ARMC2: variants seen among roughly 807,000 people sequenced by gnomAD.
The protein encoded by ARMC2 is armadillo repeat containing 2, also known as armadillo repeat-containing protein 2.
ARMC2 carries 67 observed loss-of-function variants against 90.3 expected under a neutral mutation model. The observed-to-expected ratio is 0.74, with a 90% confidence interval of 0.61 to 0.91. The LOEUF (loss-of-function observed/expected upper bound fraction) is 0.91, where lower values mean the gene tolerates loss of function less well. ARMC2 is among the 40% of genes least tolerant of loss of function. ARMC2 has a pLI of 0.00. For synonymous variants in ARMC2, 393 were observed against 393.0 expected (o/e 1.00, Z 0.00); for missense variants, 920 against 1,030.9 (o/e 0.89, Z 1.47).
intron 17 of ARMC2, among the ~76,000 whole-genome samples, chr6:108,968,197 G>A (rs1778508994): frequency 6.6e-6 from 1 of 152,150 alleles, no homozygotes; most frequent in African/African-American, 2.4e-5. Context: ...TTAAAAGCAT[G>A]TTTATTCTAT....
At chr6:109,006,795 A>T in the ARMC2 span, among the ~76,000 whole-genome samples, 1 of 152,222 alleles carries the variant, frequency 6.6e-6, no homozygotes, top group African/African-American at 2.4e-5. Flanking sequence ...GATGCTGATC[A>T]AAAAAGGCAC....
intron 12 of ARMC2, among the ~76,000 whole-genome samples, chr6:108,951,443 T>C (rs917726669): frequency 1.3e-5 from 2 of 152,214 alleles, no homozygotes; most frequent in African/African-American, 4.8e-5. Flanking sequence ...TTGAAATGTC[T>C]CCGAAAATGA....
chr6:108,860,927 T>G (rs1775172515), intron 3 of ARMC2, among the ~76,000 whole-genome samples: 1 of 152,180 alleles, frequency 6.6e-6, no homozygotes, highest in African/African-American at 2.4e-5. Flanking sequence ...ATTTAGGATA[T>G]AAATATTCAA....
At chr6:108,913,592 T>C (rs1773649826) in intron 10 of ARMC2, among the ~76,000 whole-genome samples, 1 of 152,244 alleles carries the variant, frequency 6.6e-6, no homozygotes, top group Non-Finnish European at 1.5e-5. Flanking sequence ...TTATATTTCC[T>C]GTTAAAATGC....
At chr6:108,969,748 G>T (rs1778629296) in intron 17 of ARMC2, among the ~76,000 whole-genome samples, 1 of 152,150 alleles carries the variant, frequency 6.6e-6, no homozygotes, top group African/African-American at 2.4e-5. Flanking sequence ...ATCTTAAAAA[G>T]AATTAATCAA....
chr6:108,859,532 A>C (rs1774997654), intron 3 of ARMC2, among the ~76,000 whole-genome samples: 1 of 152,160 alleles, frequency 6.6e-6, no homozygotes, highest in African/African-American at 2.4e-5. Flanking sequence ...AAATTTAATA[A>C]CAATGGTCCT....
intron 7 of ARMC2, among the ~76,000 whole-genome samples, chr6:108,902,776 C>T (rs1440397815): frequency 6.6e-6 from 1 of 152,114 alleles, no homozygotes; most frequent in African/African-American, 2.4e-5. Context: ...TTTTAAATTT[C>T]ATGAAGGAAT....
At chr6:108,942,161 T>C (rs555311519) in intron 12 of ARMC2, among the ~76,000 whole-genome samples, 24 of 152,338 alleles carry the variant, frequency 1.6e-4, no homozygotes, top group African/African-American at 5.5e-4. Flanking sequence ...GAGATGATGC[T>C]TGGCAAAGTA....
intron 5 of ARMC2, among the ~76,000 whole-genome samples, chr6:108,885,242 G>A (rs1193573523): frequency 6.6e-6 from 1 of 152,072 alleles, no homozygotes; most frequent in African/African-American, 2.4e-5. Flanking sequence ...GTGTGTGTGT[G>A]TGTGTGTGTA....
At chr6:108,852,074 T>C (rs1231239666) in intron 1 of ARMC2, among the ~76,000 whole-genome samples, 1 of 152,180 alleles carries the variant, frequency 6.6e-6, no homozygotes, top group Non-Finnish European at 1.5e-5. Flanking sequence ...TTAGAATTTC[T>C]GTAGGACTAT....
At chr6:108,994,698 CTTTTTTTTTTTTT>C in the ARMC2 span, 7 of 293,034 alleles carry the variant, frequency 2.4e-5, no homozygotes, top group South Asian at 2.5e-4. Context: ...GAATTTATAT[CTTTTTTTTTTTTT>C]TTTTTTTTTG....
At position 108,854,184 on chromosome 6, in the gene ARMC2, T is replaced by G. The variant is rs1224379413; in HGVS notation, c.-43-41T>G. 2.7e-6 allele frequency: 3 copies of G among 1,111,436 alleles called. No individual in the cohort carries two copies. In the East Asian group the frequency reaches 7.8e-5, roughly 29 times the overall value. 68.8% of individuals were successfully genotyped at this position (1,111,436 alleles called of 1,614,324 possible). A position where few individuals can be genotyped will look rare whatever the true frequency, so the allele number is the denominator to read the frequency against. ...TTAAGCATTCGTTTTTATAAAGTCC[T>G]GGACAAAAATAATGATGGTTTTTGT... On this transcript the variant is annotated intron_variant, in intron 1 of 17. Coordinates refer to ENST00000392644, the MANE Select transcript of ARMC2 (RefSeq NM_032131.6).
rs763579807 is a variant in ARMC2 at position 108,868,869 on chromosome 6, T to C, written c.337T>C (p.Phe113Leu). The C allele has an allele frequency of 3.7e-6, 6 of 1,613,942 alleles. No homozygotes were observed. The highest frequency in any genetic ancestry group is 3.3e-5 in the South Asian group (3 of 91,078). ...ASPTREEDSC[F>L]SFPKPPVDPA... ...TCCCACCAGAGAGGAGGATTCCTGC[T>C]TTTCCTTTCCTAAGCCCCCAGTGGA... is the stretch of plus-strand genomic sequence containing the variant. Residue 113 changes from phenylalanine (F) to leucine (L), a missense_variant, in exon 4 of 18, where the codon TTT (phenylalanine) becomes CTT (leucine). Coordinates refer to ENST00000392644, the MANE Select transcript of ARMC2 (RefSeq NM_032131.6).
chr6:108,949,499 C>T (rs1242860515), intron 12 of ARMC2, among the ~76,000 whole-genome samples: 1 of 152,314 alleles, frequency 6.6e-6, no homozygotes, highest in East Asian at 1.9e-4. Flanking sequence ...TATAGTCTTT[C>T]AGCAGGAAAC....
At chr6:109,019,596 C>A in the ARMC2 span, among the ~76,000 whole-genome samples, 2 of 152,140 alleles carry the variant, frequency 1.3e-5, no homozygotes, top group Admixed American at 1.3e-4. Flanking sequence ...TCACTCTTAT[C>A]CTTTAGTGAC....
chr6:108,857,625 A>G (rs779908964), intron 2 of ARMC2, among the ~76,000 whole-genome samples: 2 of 152,204 alleles, frequency 1.3e-5, no homozygotes, highest in Non-Finnish European at 2.9e-5. Context: ...ATATGATGTT[A>G]GCTGTAGGTT....
chr6:108,888,081 A>T lies in ARMC2; in HGVS notation c.672-6386A>T, dbSNP rs1770544017. Among the ~76,000 whole-genome samples the T allele has an allele frequency of 2.0e-5, 3 of 152,324 alleles. No individual in the cohort carries two copies. The South Asian group carries it at 6.2e-4, about 32-fold the overall frequency. On this transcript the variant is annotated intron_variant, in intron 5 of 17. Coordinates refer to ENST00000392644, the MANE Select transcript of ARMC2 (RefSeq NM_032131.6). ...CATCTCCTCTCTGTCCTCAAGCCAT[A>T]CTACCTTTGGCTGAGTGCTGGGTTC...
the ARMC2 span, among the ~76,000 whole-genome samples, chr6:109,027,059 A>G: frequency 6.6e-6 from 1 of 151,932 alleles, no homozygotes; most frequent in Non-Finnish European, 1.5e-5. Context: ...AATCCCAACT[A>G]CTCAGGAGGC....
chr6:108,937,592 A>G (rs1315139433), intron 12 of ARMC2, among the ~76,000 whole-genome samples: 1 of 152,264 alleles, frequency 6.6e-6, no homozygotes, highest in Non-Finnish European at 1.5e-5. Flanking sequence ...TTTAGTTTTA[A>G]TGAATCAAGG....
Sources: allele counts gnomAD v4.1 joint callset (sites outside exome capture counted in the v4.1 genomes callset), GRCh38; gene constraint gnomAD v4.1.1; transcripts MANE v1.5; gene names NCBI Gene and HGNC (gene_info 2026-07-23, HGNC 2026-07-21).